Variants in ZMYM2 observed in about 807,000 individuals in gnomAD.
The protein encoded by ZMYM2 is zinc finger MYM-type protein 2.
Under a neutral mutation model 162.8 loss-of-function variants are expected in ZMYM2, and 56 were observed. The ratio of observed to expected loss-of-function variants is 0.34; its 90% CI spans 0.28 to 0.43. The LOEUF (loss-of-function observed/expected upper bound fraction) is 0.43. Ranked by LOEUF, ZMYM2 falls within the 20% of genes least tolerant of loss-of-function variation. ZMYM2 has a pLI of 1.00. For synonymous variants in ZMYM2, 510 were observed against 541.6 expected, an observed-to-expected ratio of 0.94 and a Z score of 0.81; for missense variants, 1,275 against 1,621.8, an observed-to-expected ratio of 0.79 and a Z score of 3.67.
At chr13:19,971,558 C>G (rs1402313196) in intron 2 of ZMYM2, among the ~76,000 whole-genome samples, 1 of 151,960 alleles carries the variant, frequency 6.6e-6, no homozygotes, top group East Asian at 1.9e-4. Context: ...GCATGAGTCA[C>G]CATGCCCAGC....
At chr13:20,069,730 G>T (rs1359789405) in intron 21 of ZMYM2, among the ~76,000 whole-genome samples, 1 of 151,758 alleles carries the variant, frequency 6.6e-6, no homozygotes, top group African/African-American at 2.4e-5. Flanking sequence ...ATATATTGGT[G>T]ATGATTTTTG....
chr13:20,061,698 T>G (rs1956248377), intron 17 of ZMYM2, among the ~76,000 whole-genome samples: 1 of 151,982 alleles, frequency 6.6e-6, no homozygotes, highest in Non-Finnish European at 1.5e-5. Flanking sequence ...AAGCTATGCT[T>G]CTGCCTCAGC....
In ZMYM2 at chr13:20,049,524, C is replaced by T. The variant is rs550658814; in HGVS notation, c.2293-1909C>T. On this transcript the variant is annotated intron_variant, in intron 12 of 24. Coordinates refer to ENST00000610343, the MANE Select transcript of ZMYM2 (RefSeq NM_197968.4). ...CTGTTTTAAATGTTAAATTGAGAAT[C>T]TTCTTGTAGCATTTTATTTGTATTG... Among the ~76,000 whole-genome samples, 10 of 152,088 alleles carry T rather than the reference C, an allele frequency of 6.6e-5. No individual in the cohort carries two copies. The South Asian group carries it at 2.1e-3, about 32-fold the overall frequency.
intron 14 of ZMYM2, 107 bp downstream of exon 14, chr13:20,052,418 T>G: frequency 9.2e-7 from 1 of 1,083,082 alleles, no homozygotes; most frequent in Non-Finnish European, 1.3e-6. Flanking sequence ...TTGGTTTTTT[T>G]TTTGCTTTAC....
chr13:19,884,829 C>T, the ZMYM2 span, among the ~76,000 whole-genome samples: 3 of 152,174 alleles, frequency 2.0e-5, no homozygotes, highest in East Asian at 1.9e-4. Flanking sequence ...AACATTCCAG[C>T]AGTAAAAGAA....
chr13:20,041,509 A>G (rs1009234133), intron 12 of ZMYM2, among the ~76,000 whole-genome samples: 1 of 152,120 alleles, frequency 6.6e-6, no homozygotes, highest in African/African-American at 2.4e-5. Context: ...TATCCAAGCC[A>G]CTGTGTACCT....
chr13:20,068,234 G>A (rs1329129785), intron 21 of ZMYM2: 1 of 180,128 alleles, frequency 5.6e-6, no homozygotes, highest in East Asian at 9.1e-5. Flanking sequence ...TCGTTTTATA[G>A]GTTTACATGT....
At chr13:20,068,957 T>C (rs1427471402) in intron 21 of ZMYM2, among the ~76,000 whole-genome samples, 1 of 152,090 alleles carries the variant, frequency 6.6e-6, no homozygotes, top group Non-Finnish European at 1.5e-5. Flanking sequence ...AAAACATATT[T>C]AGATAATAAA....
chr13:20,033,025 C>T (rs1953345815), intron 10 of ZMYM2, among the ~76,000 whole-genome samples: 1 of 151,998 alleles, frequency 6.6e-6, no homozygotes, highest in Non-Finnish European at 1.5e-5. Flanking sequence ...ATCATTTAAA[C>T]CAATCCCTAT....
chr13:19,904,171 G>A, the ZMYM2 span, among the ~76,000 whole-genome samples: 1 of 143,944 alleles, frequency 6.9e-6, no homozygotes. Flanking sequence ...TCTCAGAGGT[G>A]GATTTATGTA....
the ZMYM2 span, among the ~76,000 whole-genome samples, chr13:19,898,648 A>G: frequency 2.0e-5 from 3 of 151,452 alleles, no homozygotes; most frequent in Non-Finnish European, 2.9e-5. Context: ...GATTCAGGCC[A>G]GGTGTGGTGG....
the ZMYM2 span, among the ~76,000 whole-genome samples, chr13:19,947,058 T>C: frequency 6.6e-6 from 1 of 152,064 alleles, no homozygotes; most frequent in Non-Finnish European, 1.5e-5. Flanking sequence ...TTTATTTATT[T>C]TGAGACAGAG....
chr13:20,028,783 T>A (rs1952807271), intron 9 of ZMYM2, among the ~76,000 whole-genome samples: 1 of 152,116 alleles, frequency 6.6e-6, no homozygotes, highest in Non-Finnish European at 1.5e-5. Context: ...AAAATGACTG[T>A]ACATGTCCAT....
intron 3 of ZMYM2, among the ~76,000 whole-genome samples, chr13:19,995,553 A>G (rs1405372232): frequency 2.6e-5 from 4 of 151,908 alleles, no homozygotes; most frequent in Non-Finnish European, 5.9e-5. Context: ...TAATTTTTGT[A>G]TTTTTAGTAG....
chr13:19,871,663 GAAA>G, the ZMYM2 span, among the ~76,000 whole-genome samples: 51 of 151,866 alleles, frequency 3.4e-4, no homozygotes, highest in African/African-American at 1.1e-3. Context: ...AAGTCATGCA[GAAA>G]AAAAATCTCT....
Position 20,064,467 on chromosome 13 carries a change from T to C in ZMYM2, c.3054T>C (p.Asp1018=), listed in dbSNP as rs375300486. ...IDFPRAAEEL[D]MENEFLLPPV... is the part of the protein sequence containing the mutation. ...GGTTGTCAGCTGCTGAGGAGCTTGATATGGAAAATGAATTTTTATTACCAC... is the reference window on the plus strand; with the variant it reads ...GGTTGTCAGCTGCTGAGGAGCTTGACATGGAAAATGAATTTTTATTACCAC... The change falls in exon 19 of 25, where the codon GAT becomes GAC. Residue 1018 remains aspartate, a synonymous_variant. Coordinates refer to ENST00000610343, the MANE Select transcript of ZMYM2 (RefSeq NM_197968.4). 4 of 1,598,498 alleles carry C rather than the reference T, an allele frequency of 2.5e-6. No individual in the cohort carries two copies. The African/African-American group carries it at 5.4e-5, about 21-fold the overall frequency.
chr13:19,970,138 C>T, intron 2 of ZMYM2: 1 of 814,034 alleles, frequency 1.2e-6, no homozygotes, highest in Non-Finnish European at 1.5e-6. Context: ...TTATCAAAAA[C>T]AGTCATTACA....
chr13:20,066,573 A>G (rs976849825), intron 19 of ZMYM2: 14 of 296,414 alleles, frequency 4.7e-5, no homozygotes, highest in Non-Finnish European at 8.6e-5. Flanking sequence ...CATTAGGTGG[A>G]AATAGATCAT....
the ZMYM2 span, among the ~76,000 whole-genome samples, chr13:19,935,911 G>A: frequency 1.8e-3 from 281 of 152,266 alleles, no homozygotes; most frequent in Non-Finnish European, 1.9e-3. Context: ...TGTGTGAACT[G>A]CAAGAGTTTT....
Sources: allele counts gnomAD v4.1 joint callset (sites outside exome capture counted in the v4.1 genomes callset), GRCh38; gene constraint gnomAD v4.1.1; transcripts MANE v1.5; gene names NCBI Gene and HGNC (gene_info 2026-07-23, HGNC 2026-07-21).